Variants in ZC3H14 observed in about 807,000 individuals in gnomAD.
The protein encoded by ZC3H14 is zinc finger CCCH-type containing 14, also known as zinc finger CCCH domain-containing protein 14.
ZC3H14 carries 31 observed loss-of-function variants against 92.4 expected under a neutral mutation model. The observed-to-expected ratio is 0.34, with a 90% CI of 0.25 to 0.45. The LOEUF (loss-of-function observed/expected upper bound fraction) is 0.45, where lower values mean the gene tolerates loss of function less well. Ranked by LOEUF, ZC3H14 falls within the 20% of genes least tolerant of loss-of-function variation. The pLI is 1.00. For synonymous variants in ZC3H14, 321 were observed against 300.9 expected (o/e 1.07, Z -0.69); for missense variants, 781 against 897.3 (o/e 0.87, Z 1.66).
chr14:88,606,747 TAAAAAAAAAAAAA>T (rs34408574), intron 12 of ZC3H14, among the ~76,000 whole-genome samples: 1 of 95,872 alleles, frequency 1.0e-5, no homozygotes, highest in Non-Finnish European at 1.9e-5. Context: ...GACCCTGTCG[TAAAAAAAAAAAAA>T]AAAAAAAAAA....
In ZC3H14 at chr14:88,621,826, G is replaced by A. The variant is rs1327745897; in HGVS notation, c.*10075G>A. The A allele has an allele frequency of 2.2e-6, 1 of 454,762 alleles. No homozygotes were observed. The highest frequency in any genetic ancestry group is 2.4e-5 in the Admixed American group (1 of 42,408). The allele number at this position is 454,762 out of a possible 1,614,324, so 28.2% of individuals were successfully genotyped here. On this transcript the variant is annotated 3_prime_UTR_variant, in exon 17 of 17. Transcript: ENST00000251038. ...AATTATACATATCTATAGGGCATAG[G>A]GTAATACGCATAACCATCACCTCAG... is the stretch of plus-strand genomic sequence containing the variant.
Position 88,611,745 on chromosome 14 carries a change from C to T in ZC3H14, c.2205C>T (p.Ser735=), listed in dbSNP as rs202089412. ...HALKWIRPQT[S]E is the part of the protein sequence containing the mutation. The stretch of plus-strand genomic sequence containing the variant: ...ACAATTTTTGGTTCTGTTCATTCAG[C>T]GAATAGCACCCAGTCCTGCCTGGCA... Residue 735 remains serine (S), a splice_region_variant and synonymous_variant, in exon 17 of 17, where the codon AGC becomes AGT. Transcript: ENST00000251038. 6.8e-5 allele frequency: 110 copies of T among 1,613,956 alleles called. 1 individual carries two copies. The highest frequency in any genetic ancestry group is 3.3e-4 in the Middle Eastern group (2 of 6,056).
Position 88,607,124 on chromosome 14 carries a change from T to A in ZC3H14, c.1748-119T>A, listed in dbSNP as rs896774243. 2.7e-6 allele frequency: 4 copies of A among 1,488,916 alleles called. No homozygotes were observed. The African/African-American group carries it at 5.6e-5, about 21-fold the overall frequency. The allele number at this position is 1,488,916 out of a possible 1,614,324, so 92.2% of individuals were successfully genotyped here. On this transcript the variant is annotated intron_variant, in intron 12 of 16. Transcript: ENST00000251038. Reference sequence around the variant, plus strand: ...TCCCATAATTTGAGCTCACTTATTTTATATGACTGTACATTTAACAGAAGA... The same window carrying A: ...TCCCATAATTTGAGCTCACTTATTTAATATGACTGTACATTTAACAGAAGA...
intron 6 of ZC3H14, among the ~76,000 whole-genome samples, chr14:88,573,392 AAAAAC>A (rs929579304): frequency 2.6e-5 from 4 of 151,950 alleles, no homozygotes; most frequent in African/African-American, 9.7e-5. Context: ...CCAAAAAAGA[AAAAAC>A]AAAAAACAAA....
At chr14:88,565,203 G>A (rs1310709114) in intron 2 of ZC3H14, among the ~76,000 whole-genome samples, 1 of 152,000 alleles carries the variant, frequency 6.6e-6, no homozygotes. Context: ...GTGCAGTGGC[G>A]TGATCTTGGC....
rs2087607017 is a variant in ZC3H14 at position 88,616,326 on chromosome 14, C to T, written c.*4575C>T. 8 of 1,331,324 alleles carry T rather than the reference C, an allele frequency of 6.0e-6. No homozygotes were observed. The South Asian group carries it at 7.2e-5, about 12-fold the overall frequency. The allele number at this position is 1,331,324 out of a possible 1,614,324, so 82.5% of individuals were successfully genotyped here. A position where few individuals can be genotyped will look rare whatever the true frequency, so the allele number is the denominator to read the frequency against. ...TTATTAGGAACTATAATCTCTATGACAAGAGCTGTGGAGAGAGTAGGGAGT... is the reference window on the plus strand; with the variant it reads ...TTATTAGGAACTATAATCTCTATGATAAGAGCTGTGGAGAGAGTAGGGAGT... On this transcript the variant is annotated 3_prime_UTR_variant, in exon 17 of 17. Transcript: ENST00000251038.
rs1469496362 is a variant in ZC3H14 at position 88,574,726 on chromosome 14, G to C, written c.895G>C (p.Val299Leu). 3 of 1,613,980 alleles carry C rather than the reference G, an allele frequency of 1.9e-6. No individual in the cohort carries two copies. Among genetic ancestry groups the C allele is most frequent in the Non-Finnish European group, 2.5e-6 (3 of 1,180,000 alleles). Residue 299 changes from valine (V) to leucine (L), a missense_variant, in exon 7 of 17, where the codon GTA becomes CTA. Physicochemically the swap from Val to Leu is conservative, Grantham distance 32. Coordinates refer to ENST00000251038, the MANE Select transcript of ZC3H14 (RefSeq NM_024824.5). The stretch of plus-strand genomic sequence containing the variant: ...CTTTCGGAAGAGAAAGTTGCCTGTG[G>C]TAAGTTCAGTTGTTAAAGTAAAAAA... ...ENFRKRKLPV[V>L]SSVVKVKKFN...
chr14:88,574,462 C>G (rs1023834929), intron 6 of ZC3H14: 10 of 462,818 alleles, frequency 2.2e-5, no homozygotes, highest in Non-Finnish European at 3.9e-5. Context: ...CCAGGCTGGT[C>G]TCGAAATCCT....
At chr14:88,600,116 G>A (rs2140036118) in intron 10 of ZC3H14, among the ~76,000 whole-genome samples, 1 of 152,362 alleles carries the variant, frequency 6.6e-6, no homozygotes, top group East Asian at 1.9e-4. Context: ...ACATGGAAAT[G>A]TATCTTTGCC....
chr14:88,566,741 G>A (rs2079678589), intron 2 of ZC3H14, among the ~76,000 whole-genome samples: 1 of 152,090 alleles, frequency 6.6e-6, no homozygotes, highest in Non-Finnish European at 1.5e-5. Context: ...TCAACATGCT[G>A]AAACCTGGTG....
chr14:88,602,547 C>G (rs912755586), intron 11 of ZC3H14, among the ~76,000 whole-genome samples: 4 of 152,090 alleles, frequency 2.6e-5, no homozygotes, highest in African/African-American at 9.7e-5. Context: ...TCCATGTTGA[C>G]CCTATGAAGA....
chr14:88,593,782 G>A (rs544293918), intron 9 of ZC3H14, among the ~76,000 whole-genome samples: 6 of 152,062 alleles, frequency 3.9e-5, no homozygotes, highest in Non-Finnish European at 7.4e-5. Context: ...GATATGTCTT[G>A]GATTCCAGAA....
Position 88,624,352 on chromosome 14 carries a change from G to C in ZC3H14, c.*12601G>C, listed in dbSNP as rs1402644886. The C allele has an allele frequency of 1.3e-5, 2 of 152,542 alleles. No homozygotes were observed. Among genetic ancestry groups the C allele is most frequent in the Non-Finnish European group, 2.9e-5 (2 of 68,332 alleles). The allele number at this position is 152,542 out of a possible 1,614,324, so 9.4% of individuals were successfully genotyped here. A position where few individuals can be genotyped will look rare whatever the true frequency, so the allele number is the denominator to read the frequency against. ...AGCCTCCCAAAGTGATAAGATTACA[G>C]GTGTGAGCCACTGTGCCTGGCCTAC... On this transcript the variant is annotated 3_prime_UTR_variant, in exon 17 of 17. Coordinates refer to ENST00000251038, the MANE Select transcript of ZC3H14 (RefSeq NM_024824.5).
intron 9 of ZC3H14, 43 bp downstream of exon 9, chr14:88,578,183 C>A: frequency 1.9e-6 from 3 of 1,604,390 alleles, no homozygotes; most frequent in South Asian, 2.2e-5. Flanking sequence ...ACAGTTTTTT[C>A]ATGAGGCATT....
In ZC3H14 at chr14:88,627,427, T is replaced by G; in HGVS notation, c.*15676T>G. 1 of 518,600 alleles carries G rather than the reference T, an allele frequency of 1.9e-6. No homozygotes were observed. The highest frequency in any genetic ancestry group is 3.2e-5 in the East Asian group (1 of 31,262). The allele number at this position is 518,600 out of a possible 1,614,324, so 32.1% of individuals were successfully genotyped here. ...AATAGCAGTGAATCATTTATAATGC[T>G]AATAATGGTTTCATTAATTTATCTG... On this transcript the variant is annotated 3_prime_UTR_variant, in exon 17 of 17. Coordinates refer to ENST00000251038, the MANE Select transcript of ZC3H14 (RefSeq NM_024824.5).
chr14:88,607,158 C>G, intron 12 of ZC3H14, 85 bp from the exon 13 acceptor site: 1 of 1,596,476 alleles, frequency 6.3e-7, no homozygotes, highest in Non-Finnish European at 8.6e-7. Flanking sequence ...GATTCTAAGA[C>G]AGGTTTGAGG....
rs1367816254 is a variant in ZC3H14, at chr14:88,585,313, G to A, written c.1279+7173G>A. Among the ~76,000 whole-genome samples the A allele has an allele frequency of 4.7e-5, 7 of 150,246 alleles. No individual in the cohort carries two copies. The East Asian group carries it at 1.4e-3, about 29-fold the overall frequency. ...TTAAGGTTCATTAATTACTGTTATT[G>A]TTGACAACCCTAACCCTGGTTCTAC... On this transcript the variant is annotated intron_variant, in intron 9 of 16. Transcript: ENST00000251038.
chr14:88,596,885 ATC>A lies in ZC3H14; in HGVS notation c.1354+80_1354+81del, dbSNP rs557858844. ...CCATTTCTTACACCCCATTTAACGT[ATC>A]TCGGATCTCTTAGATCCTGCCCTAA... On this transcript the variant is annotated intron_variant, in intron 10 of 16. Coordinates refer to ENST00000251038, the MANE Select transcript of ZC3H14 (RefSeq NM_024824.5). 8.2e-5 allele frequency: 98 copies of A among 1,197,310 alleles called. No individual in the cohort carries two copies. The African/African-American group carries it at 1.2e-3, about 15-fold the overall frequency. The allele number at this position is 1,197,310 out of a possible 1,614,324, so 74.2% of individuals were successfully genotyped here. A position where few individuals can be genotyped will look rare whatever the true frequency, so the allele number is the denominator to read the frequency against.
At chr14:88,563,586 C>A in intron 1 of ZC3H14, 65 bp from the exon 2 acceptor site, 1 of 1,599,484 alleles carries the variant, frequency 6.3e-7, no homozygotes, top group Non-Finnish European at 8.6e-7. Context: ...TCAGCCGCTG[C>A]AGAGTCCGGT....
Sources: gnomAD v4.1 joint callset for allele counts (sites outside exome capture counted in the v4.1 genomes callset) on GRCh38, gnomAD v4.1.1 for gene constraint, MANE v1.5 for transcripts, NCBI Gene and HGNC (gene_info 2026-07-23, HGNC 2026-07-21) for gene names.